GATC: variants seen among roughly 807,000 people sequenced by gnomAD.
The protein encoded by GATC is glutamyl-tRNA(Gln) amidotransferase subunit C, mitochondrial.
GATC carries 11 observed loss-of-function variants against 14.4 expected under a neutral mutation model. That is an observed-to-expected ratio of 0.77 (90% CI 0.48 to 1.27). The LOEUF (loss-of-function observed/expected upper bound fraction) is 1.27. GATC is among the 50% of genes most tolerant of loss of function. The pLI is 0.00. For synonymous variants in GATC, 76 were observed against 79.3 expected (o/e 0.96, Z 0.22); for missense variants, 204 against 183.0 (o/e 1.11, Z -0.66).
At position 120,446,720 on chromosome 12, in the gene GATC, G is replaced by A. The variant is rs370792179; in HGVS notation, c.145G>A (p.Gly49Ser). Residue 49 changes from glycine to serine, a missense_variant, in exon 2 of 4, where the codon GGC becomes AGC. Physicochemically the swap from Gly to Ser is moderately conservative, Grantham distance 56. Coordinates refer to ENST00000551765, the MANE Select transcript of GATC (RefSeq NM_176818.3). The stretch of plus-strand genomic sequence containing the variant: ...GGAGCGTCTAGCGCTTGTGGACTTC[G>A]GCAGCCGCGAGGCAGTGGCGCGACT... The part of the protein sequence containing the change: ...HLERLALVDF[G>S]SREAVARLEK... 20 of 1,613,776 alleles carry A rather than the reference G, an allele frequency of 1.2e-5. No individual in the cohort carries two copies. Among genetic ancestry groups the A allele is most frequent in the Non-Finnish European group, 1.6e-5 (19 of 1,180,024 alleles).
intron 2 of GATC, among the ~76,000 whole-genome samples, chr12:120,448,627 C>G (rs1877944689): frequency 7.2e-6 from 1 of 137,976 alleles, no homozygotes; most frequent in Non-Finnish European, 1.5e-5. Flanking sequence ...CTGCACTGGC[C>G]AAAAAAGTCC....
At chr12:120,454,261 C>T (rs1335678512) in intron 2 of GATC, among the ~76,000 whole-genome samples, 3 of 152,250 alleles carry the variant, frequency 2.0e-5, no homozygotes, top group East Asian at 1.9e-4. Context: ...CTCTTACTGC[C>T]GTGAATGCTG....
rs1592987129 is a variant in GATC at position 120,457,237 on chromosome 12, C to G, written c.358+58C>G. 5 of 1,278,322 alleles carry G rather than the reference C, an allele frequency of 3.9e-6. No individual in the cohort carries two copies. The East Asian group carries it at 1.2e-4, about 30-fold the overall frequency. 79.2% of individuals were successfully genotyped at this position (1,278,322 alleles called of 1,614,324 possible). A position where few individuals can be genotyped will look rare whatever the true frequency, so the allele number is the denominator to read the frequency against. ...TCTCACAGTAACCTTAGGAATGAAG[C>G]AGGAAGCATGAGGACCAAAGATGCT... On this transcript the variant is annotated intron_variant, in intron 3 of 3. Coordinates refer to ENST00000551765, the MANE Select transcript of GATC (RefSeq NM_176818.3).
intron 2 of GATC, among the ~76,000 whole-genome samples, chr12:120,449,317 G>A (rs1469793308): frequency 2.6e-5 from 4 of 152,124 alleles, no homozygotes; most frequent in Admixed American, 6.6e-5. Context: ...TTATACATGC[G>A]TTTATACATC....
At chr12:120,447,314 A>G (rs1299116724) in intron 2 of GATC, among the ~76,000 whole-genome samples, 1 of 151,898 alleles carries the variant, frequency 6.6e-6, no homozygotes, top group African/African-American at 2.4e-5. Flanking sequence ...CCTGACCGTG[A>G]TCCACCCGCC....
At chr12:120,457,638 C>G (rs1367929424) in intron 3 of GATC, among the ~76,000 whole-genome samples, 1 of 133,410 alleles carries the variant, frequency 7.5e-6, no homozygotes, top group East Asian at 2.2e-4. Flanking sequence ...CGGAGTTTCG[C>G]TCTTGTTGCC....
At chr12:120,458,291 A>G (rs531842064) in intron 3 of GATC, among the ~76,000 whole-genome samples, 80 of 151,978 alleles carry the variant, frequency 5.3e-4, no homozygotes, top group African/African-American at 1.0e-3. Context: ...GGATTTCACC[A>G]TCTTGGCCAG....
At chr12:120,450,235 G>T (rs997412591) in intron 2 of GATC, among the ~76,000 whole-genome samples, 1 of 152,180 alleles carries the variant, frequency 6.6e-6, no homozygotes, top group South Asian at 2.1e-4. Context: ...TCTCAACCTC[G>T]TATTCAGTGA....
intron 3 of GATC, 65 bp downstream of exon 3, chr12:120,457,244 C>A: frequency 8.3e-7 from 1 of 1,198,924 alleles, no homozygotes. Flanking sequence ...AAGCAGGAAG[C>A]ATGAGGACCA....
chr12:120,451,876 T>TTCTTTTTTTTTC (rs1878057977), intron 2 of GATC, among the ~76,000 whole-genome samples: 3 of 105,722 alleles, frequency 2.8e-5, no homozygotes, highest in African/African-American at 1.1e-4. Flanking sequence ...ATATAAATTC[T>TTCTTTTTTTTTC]TTTTTTTTTT....
At position 120,462,187 on chromosome 12, in the gene GATC, G is replaced by A. The variant is rs771859336; in HGVS notation, c.*2228G>A. On this transcript the variant is annotated 3_prime_UTR_variant, in exon 4 of 4. Transcript: ENST00000551765. ...CCTGAAATGCAAACAAAAACAAAAA[G>A]AGTAAAGGGGAAAAAAATCAGAGCC... 1 of 1,586,152 alleles carries A rather than the reference G, an allele frequency of 6.3e-7. No homozygotes were observed.
intron 2 of GATC, among the ~76,000 whole-genome samples, chr12:120,449,008 G>A (rs999082961): frequency 1.1e-4 from 16 of 150,674 alleles, no homozygotes; most frequent in Non-Finnish European, 2.4e-4. Flanking sequence ...TGTCGCTGAG[G>A]CTGGAGTGCA....
chr12:120,455,842 C>T (rs980279878), intron 2 of GATC, among the ~76,000 whole-genome samples: 2 of 152,120 alleles, frequency 1.3e-5, no homozygotes, highest in Admixed American at 1.3e-4. Context: ...CCCACCACCA[C>T]GCCCGGCTAA....
chr12:120,447,829 C>T (rs1235095105), intron 2 of GATC, among the ~76,000 whole-genome samples: 1 of 152,144 alleles, frequency 6.6e-6, no homozygotes, highest in Non-Finnish European at 1.5e-5. Flanking sequence ...GATCTCAGCT[C>T]ATTGTAATGT....
At chr12:120,449,666 T>C (rs1877984237) in intron 2 of GATC, among the ~76,000 whole-genome samples, 1 of 151,982 alleles carries the variant, frequency 6.6e-6, no homozygotes. Context: ...AGGCTCGTCT[T>C]GAACTCCTGA....
rs1294530317 is a variant in GATC, at chr12:120,446,728, C to G, written c.153C>G (p.Arg51=). 10 of 1,613,994 alleles carry G rather than the reference C, an allele frequency of 6.2e-6. No homozygotes were observed. Among genetic ancestry groups the G allele is most frequent in the Middle Eastern group, 3.3e-4 (2 of 6,062 alleles). Residue 51 remains arginine, a synonymous_variant, in exon 2 of 4, where the codon CGC becomes CGG. Transcript: ENST00000551765. The part of the protein sequence containing the change: ...ERLALVDFGS[R]EAVARLEKAI... ...TAGCGCTTGTGGACTTCGGCAGCCG[C>G]GAGGCAGTGGCGCGACTGGAGAAAG...
At chr12:120,449,004 T>C (rs1004867288) in intron 2 of GATC, among the ~76,000 whole-genome samples, 1 of 150,708 alleles carries the variant, frequency 6.6e-6, no homozygotes, top group Non-Finnish European at 1.5e-5. Context: ...GCTCTGTCGC[T>C]GAGGCTGGAG....
At chr12:120,446,909 T>C (rs1189182693) in intron 2 of GATC, 80 bp downstream of exon 2, 3 of 1,387,048 alleles carry the variant, frequency 2.2e-6, no homozygotes, top group Non-Finnish European at 2.9e-6. Context: ...CGAACAGTTT[T>C]CCAGGGGGTT....
At chr12:120,449,138 A>G (rs923602749) in intron 2 of GATC, among the ~76,000 whole-genome samples, 1 of 150,508 alleles carries the variant, frequency 6.6e-6, no homozygotes, top group Admixed American at 6.6e-5. Flanking sequence ...AATTTTTTGT[A>G]TTTTTAGTAG....
Sources: allele counts gnomAD v4.1 joint callset (sites outside exome capture counted in the v4.1 genomes callset), GRCh38; gene constraint gnomAD v4.1.1; transcripts MANE v1.5; gene names NCBI Gene and HGNC (gene_info 2026-07-23, HGNC 2026-07-21).